Variants in SMIM14 observed in about 807,000 individuals in gnomAD.
SMIM14 encodes the protein small integral membrane protein 14.
A neutral mutation model predicts 12.6 loss-of-function variants in SMIM14; 5 were observed. The ratio of observed to expected loss-of-function variants is 0.40; its 90% CI spans 0.21 to 0.83. The LOEUF is 0.83. Among genes scored for constraint, SMIM14 ranks in the 40% least tolerant of loss-of-function variants. The pLI is 0.37. For missense variants in SMIM14, 86 were observed against 119.1 expected (o/e 0.72, Z 1.29); for synonymous variants, 30 against 40.1 (o/e 0.75, Z 0.95).
chr4:39,616,832 T>A (rs574566987), intron 1 of SMIM14, among the ~76,000 whole-genome samples: 1 of 152,206 alleles, frequency 6.6e-6, no homozygotes, highest in African/African-American at 2.4e-5. Flanking sequence ...GTTCCCAGCT[T>A]TTTTTCCAAG....
intron 1 of SMIM14, among the ~76,000 whole-genome samples, chr4:39,619,874 ATATTT>A (rs1237114579): frequency 2.4e-4 from 20 of 82,972 alleles, no homozygotes; most frequent in South Asian, 5.8e-4. Flanking sequence ...ATATATATAT[ATATTT>A]TTTTTTTTTT....
Position 39,632,533 on chromosome 4 carries a change from C to T in SMIM14, c.-36+6206G>A, listed in dbSNP as rs149622210. Among the ~76,000 whole-genome samples, 341 of 151,060 alleles carry T rather than the reference C, an allele frequency of 2.3e-3. 3 individuals carry two copies. In the South Asian group the frequency reaches 0.025, roughly 11 times the overall value. Reference sequence around the variant, plus strand: ...GTCTGACCAGGTGCAATGGCTCACACCTGTAATCCCAGCACTTTGGGAGGC... The same window carrying T: ...GTCTGACCAGGTGCAATGGCTCACATCTGTAATCCCAGCACTTTGGGAGGC... On this transcript the variant is annotated intron_variant, in intron 1 of 4. Transcript: ENST00000295958.
At chr4:39,567,849 G>A (rs146355580) in intron 3 of SMIM14, among the ~76,000 whole-genome samples, 148 of 152,272 alleles carry the variant, frequency 9.7e-4, no homozygotes, top group African/African-American at 3.4e-3. Context: ...AAGATTCAGT[G>A]AGCCCTGTTT....
chr4:39,630,000 G>A (rs971020077), intron 1 of SMIM14, among the ~76,000 whole-genome samples: 5 of 152,070 alleles, frequency 3.3e-5, no homozygotes, highest in Admixed American at 3.3e-4. Flanking sequence ...TACAAGCAAT[G>A]GTACCAGTTT....
chr4:39,616,936 A>G (rs1452311442), intron 1 of SMIM14, among the ~76,000 whole-genome samples: 1 of 152,142 alleles, frequency 6.6e-6, no homozygotes. Context: ...GGTTTTTAAA[A>G]GTATTTAGAA....
intron 2 of SMIM14, among the ~76,000 whole-genome samples, chr4:39,596,907 C>T (rs1396053987): frequency 6.6e-6 from 1 of 152,048 alleles, no homozygotes; most frequent in Non-Finnish European, 1.5e-5. Context: ...TCTGAAGGAG[C>T]TGTGACTATA....
chr4:39,635,033 G>A (rs866223300), intron 1 of SMIM14, among the ~76,000 whole-genome samples: 3 of 152,174 alleles, frequency 2.0e-5, no homozygotes, highest in African/African-American at 7.2e-5. Flanking sequence ...GATAAATGCT[G>A]TGAAGAAAAT....
chr4:39,595,273 A>G (rs1351276922), intron 2 of SMIM14, among the ~76,000 whole-genome samples: 1 of 150,270 alleles, frequency 6.7e-6, no homozygotes, highest in Admixed American at 6.6e-5. Context: ...ATGAAATTGG[A>G]AATCATCATT....
intron 1 of SMIM14, among the ~76,000 whole-genome samples, chr4:39,619,161 A>T (rs1340124486): frequency 1.3e-5 from 2 of 148,458 alleles, no homozygotes; most frequent in African/African-American, 4.9e-5. Flanking sequence ...ATTATAATTT[A>T]ATTTATTATA....
intron 3 of SMIM14, among the ~76,000 whole-genome samples, chr4:39,557,873 T>A (rs920595393): frequency 6.6e-6 from 1 of 152,160 alleles, no homozygotes; most frequent in African/African-American, 2.4e-5. Context: ...AAAGACCCCT[T>A]GAATTACAGT....
chr4:39,631,624 A>C (rs1435636638), intron 1 of SMIM14, among the ~76,000 whole-genome samples: 1 of 151,776 alleles, frequency 6.6e-6, no homozygotes, highest in African/African-American at 2.4e-5. Flanking sequence ...GCGCCACTGC[A>C]CTCTAGCCTG....
Position 39,605,198 on chromosome 4 carries a change from A to AT in SMIM14, c.-35-19dup. 7.0e-7 allele frequency: 1 copy of AT among 1,423,092 alleles called. No individual in the cohort carries two copies. The highest frequency in any genetic ancestry group is 9.6e-7 in the Non-Finnish European group (1 of 1,039,900). 88.2% of individuals were successfully genotyped at this position (1,423,092 alleles called of 1,614,324 possible). On this transcript the variant is annotated intron_variant, in intron 1 of 4. Transcript: ENST00000295958. ...GTTTAAATCTAGGAGGAAGGAAAAAATACTGTTAAGTCTACAATTCAGAAT... is the reference window on the plus strand; with the variant it reads ...GTTTAAATCTAGGAGGAAGGAAAAAATTACTGTTAAGTCTACAATTCAGAAT...
chr4:39,575,081 T>TTG (rs1294135152), intron 2 of SMIM14, among the ~76,000 whole-genome samples: 11 of 140,450 alleles, frequency 7.8e-5, no homozygotes, highest in African/African-American at 3.1e-4. Flanking sequence ...AGAAAATAGT[T>TTG]TTTTTTTTTT....
At chr4:39,600,633 T>C (rs1190697868) in intron 2 of SMIM14, among the ~76,000 whole-genome samples, 1 of 151,942 alleles carries the variant, frequency 6.6e-6, no homozygotes, top group Non-Finnish European at 1.5e-5. Flanking sequence ...GAGGTTGCAG[T>C]GAGCCGAGAT....
chr4:39,609,519 G>A (rs1714947470), intron 1 of SMIM14, among the ~76,000 whole-genome samples: 1 of 152,072 alleles, frequency 6.6e-6, no homozygotes, highest in East Asian at 1.9e-4. Flanking sequence ...AGACACAAAG[G>A]GAAAAGAAGT....
At chr4:39,597,112 A>T (rs1578344368) in intron 2 of SMIM14, among the ~76,000 whole-genome samples, 8 of 115,382 alleles carry the variant, frequency 6.9e-5, no homozygotes, top group South Asian at 2.6e-4. Flanking sequence ...TTTTTAGCCT[A>T]CTTCTTCTAT....
intron 3 of SMIM14, among the ~76,000 whole-genome samples, chr4:39,559,667 G>A (rs1401567862): frequency 1.3e-5 from 2 of 152,112 alleles, no homozygotes; most frequent in East Asian, 1.9e-4. Context: ...TGATAAAAGC[G>A]GACAAAGTCA....
In SMIM14 at chr4:39,576,660, G is replaced by GTGTGTATATATATATATATA. The variant is rs1339477098; in HGVS notation, c.76-4198_76-4197insTATATATATATATATACACA. The stretch of plus-strand genomic sequence containing the variant: ...CTTATACCTATGTGTGTGTGTATGT[G>GTGTGTATATATATATATATA]TATATATATATATATATATATATAT... On this transcript the variant is annotated intron_variant, in intron 2 of 4. Transcript: ENST00000295958. 6.6e-4 allele frequency among the ~76,000 whole-genome samples: 48 copies of GTGTGTATATATATATATATA among 72,366 alleles called. 3 individuals carry two copies. In the East Asian group the frequency reaches 7.4e-3, roughly 11 times the overall value. The allele number at this position is 72,366 out of a possible 152,430, so 47.5% of individuals were successfully genotyped here.
intron 2 of SMIM14, among the ~76,000 whole-genome samples, chr4:39,579,829 G>T (rs1713403593): frequency 7.5e-6 from 1 of 133,162 alleles, no homozygotes; most frequent in African/African-American, 2.8e-5. Context: ...GGGTGACAGA[G>T]TGAGACTCCG....
Sources: allele counts gnomAD v4.1 joint callset (sites outside exome capture counted in the v4.1 genomes callset), GRCh38; gene constraint gnomAD v4.1.1; transcripts MANE v1.5; gene names NCBI Gene and HGNC (gene_info 2026-07-23, HGNC 2026-07-21).